SNTG2: variants seen among roughly 807,000 people sequenced by gnomAD.
The protein encoded by SNTG2 is syntrophin gamma 2.
In SNTG2, 74 loss-of-function variants were observed where a neutral mutation model predicts 70.9. That is an observed-to-expected ratio of 1.04 (90% CI 0.86 to 1.27). SNTG2 has a LOEUF of 1.27. Among genes scored for constraint, SNTG2 ranks in the 50% most tolerant of loss-of-function variants. SNTG2 has a pLI of 0.00. For missense variants in SNTG2, 717 were observed against 690.7 expected (o/e 1.04, Z -0.43); for synonymous variants, 278 against 273.8 (o/e 1.02, Z -0.15).
intron 1 of SNTG2, among the ~76,000 whole-genome samples, chr2:976,121 T>A (rs1049292238): frequency 6.6e-6 from 1 of 152,218 alleles, no homozygotes; most frequent in African/African-American, 2.4e-5. Flanking sequence ...TGAAATGTAT[T>A]TGAAGGATAC....
intron 4 of SNTG2, among the ~76,000 whole-genome samples, chr2:1,115,369 C>T (rs1391666159): frequency 6.6e-6 from 1 of 151,498 alleles, no homozygotes; most frequent in African/African-American, 2.4e-5. Context: ...CCCTTACAGT[C>T]CTTTGAGAAG....
At chr2:1,294,959 T>C (rs1680139823) in intron 14 of SNTG2, among the ~76,000 whole-genome samples, 1 of 152,222 alleles carries the variant, frequency 6.6e-6, no homozygotes, top group South Asian at 2.1e-4. Flanking sequence ...TGGCTCGTCT[T>C]CTGACCTGGC....
intron 4 of SNTG2, among the ~76,000 whole-genome samples, chr2:1,136,355 GA>G (rs1668384293): frequency 6.6e-6 from 1 of 151,704 alleles, no homozygotes; most frequent in Non-Finnish European, 1.5e-5. Context: ...CACCGAGAGG[GA>G]GGGGGGCAGT....
chr2:1,011,743 G>A (rs1659733665), intron 1 of SNTG2, among the ~76,000 whole-genome samples: 1 of 151,550 alleles, frequency 6.6e-6, no homozygotes. Flanking sequence ...TATGCATGAA[G>A]TATCATTTTC....
At chr2:955,824 C>G (rs1002387158) in intron 1 of SNTG2, among the ~76,000 whole-genome samples, 3 of 152,184 alleles carry the variant, frequency 2.0e-5, no homozygotes, top group Non-Finnish European at 4.4e-5. Context: ...AGTCCTCTAG[C>G]AAGTCCTCTC....
chr2:1,081,766 GGGGTCAGCGAAGT>G (rs1237893938), intron 1 of SNTG2, among the ~76,000 whole-genome samples: 8 of 152,248 alleles, frequency 5.3e-5, no homozygotes, highest in African/African-American at 1.9e-4. Flanking sequence ...ACAGCCCCCT[GGGGTCAGCGAAGT>G]GGGTGGGAGC....
chr2:1,215,601 A>G (rs1445899418), intron 9 of SNTG2, among the ~76,000 whole-genome samples: 2 of 151,866 alleles, frequency 1.3e-5, no homozygotes, highest in Non-Finnish European at 2.9e-5. Context: ...CACGTGCACA[A>G]CGTGCAGGTT....
At chr2:1,078,863 A>G (rs1319735841) in intron 1 of SNTG2, among the ~76,000 whole-genome samples, 1 of 152,144 alleles carries the variant, frequency 6.6e-6, no homozygotes, top group African/African-American at 2.4e-5. Flanking sequence ...GGAGGGAGGA[A>G]GGTCACAGGA....
chr2:954,467 C>T (rs1460555825), intron 1 of SNTG2, among the ~76,000 whole-genome samples: 3 of 152,152 alleles, frequency 2.0e-5, no homozygotes, highest in African/African-American at 7.2e-5. Flanking sequence ...GGAAAATGGA[C>T]CTTGAACTGG....
intron 1 of SNTG2, among the ~76,000 whole-genome samples, chr2:953,058 A>T (rs1660030455): frequency 6.6e-6 from 1 of 152,204 alleles, no homozygotes; most frequent in Admixed American, 6.5e-5. Flanking sequence ...CTGAAGTCAA[A>T]ACTATACACA....
rs531036617 is a variant in SNTG2, at chr2:1,128,811, A to C, written c.326-8811A>C. On this transcript the variant is annotated intron_variant, in intron 4 of 16. Coordinates refer to ENST00000308624, the MANE Select transcript of SNTG2 (RefSeq NM_018968.4). The stretch of plus-strand genomic sequence containing the variant: ...CCAGGGCTGATAGCCATCAGCCAGG[A>C]TGAGAGTGCACAGGGAATGCTCAGT... Among the ~76,000 whole-genome samples the C allele has an allele frequency of 1.7e-3, 252 of 152,200 alleles. 3 individuals carry two copies. Among genetic ancestry groups the C allele is most frequent in the South Asian group, 0.015 (72 of 4,822 alleles).
In SNTG2 at chr2:1,076,331, G is replaced by A. The variant is rs13405063; in HGVS notation, c.73-7187G>A. Among the ~76,000 whole-genome samples the A allele has an allele frequency of 3.5e-3, 532 of 152,280 alleles. 4 individuals are homozygous for A. Among genetic ancestry groups the A allele is most frequent in the African/African-American group, 0.012 (515 of 41,558 alleles). ...TATGGCCCAGTAATTTGCGTGGTTA[G>A]TTTCTCCTCCCCGTGCCTCTTCCTG... On this transcript the variant is annotated intron_variant, in intron 1 of 16. Transcript: ENST00000308624.
chr2:1,329,104 T>C (rs1681883768), intron 16 of SNTG2, among the ~76,000 whole-genome samples: 1 of 152,202 alleles, frequency 6.6e-6, no homozygotes, highest in Admixed American at 6.5e-5. Flanking sequence ...CTTTTTTCTT[T>C]TTGGAATTTA....
chr2:1,110,169 C>T (rs1038764437), intron 4 of SNTG2, among the ~76,000 whole-genome samples: 1 of 152,160 alleles, frequency 6.6e-6, no homozygotes, highest in Non-Finnish European at 1.5e-5. Flanking sequence ...GGCACAGCGG[C>T]TGTGGCGGAG....
intron 1 of SNTG2, among the ~76,000 whole-genome samples, chr2:969,500 A>T (rs1660673184): frequency 6.6e-6 from 1 of 152,042 alleles, no homozygotes. Context: ...ATGAGCATGG[A>T]ATGTTTTTCT....
At chr2:955,936 G>T (rs947098966) in intron 1 of SNTG2, among the ~76,000 whole-genome samples, 1 of 152,120 alleles carries the variant, frequency 6.6e-6, no homozygotes, top group Non-Finnish European at 1.5e-5. Flanking sequence ...CACTGTCTCC[G>T]GCCCTGCCTC....
intron 6 of SNTG2, among the ~76,000 whole-genome samples, chr2:1,156,574 C>A (rs1669912599): frequency 6.6e-6 from 1 of 152,178 alleles, no homozygotes; most frequent in Admixed American, 6.5e-5. Flanking sequence ...TAACGTTTTT[C>A]TCCAGCCACA....
At chr2:1,281,210 T>TGTGTGTTTATGTGGTGTATTGTGTG (rs1679499156) in intron 14 of SNTG2, among the ~76,000 whole-genome samples, 1 of 146,648 alleles carries the variant, frequency 6.8e-6, no homozygotes, top group African/African-American at 2.5e-5. Context: ...TGGTGTGTGG[T>TGTGTGTTTATGTGGTGTATTGTGTG]GTGTGTGTGT....
intron 1 of SNTG2, among the ~76,000 whole-genome samples, chr2:1,001,111 A>G (rs1558303704): frequency 6.6e-6 from 1 of 152,060 alleles, no homozygotes; most frequent in Non-Finnish European, 1.5e-5. Context: ...TATTGAAGGA[A>G]CATACATAAA....
Sources: allele counts gnomAD v4.1 joint callset (sites outside exome capture counted in the v4.1 genomes callset), GRCh38; gene constraint gnomAD v4.1.1; transcripts MANE v1.5; gene names NCBI Gene and HGNC (gene_info 2026-07-23, HGNC 2026-07-21).